KIF6: variants seen among roughly 807,000 people sequenced by gnomAD.
KIF6 encodes kinesin-like protein KIF6.
In KIF6, 106 loss-of-function variants were observed where a neutral mutation model predicts 112.7. The ratio of observed to expected loss-of-function variants is 0.94; its 90% CI spans 0.80 to 1.11. The LOEUF (loss-of-function observed/expected upper bound fraction) is 1.11, where lower values mean the gene tolerates loss of function less well. KIF6 is among the 50% of genes least tolerant of loss of function. The pLI is 0.00. For missense variants in KIF6, 929 were observed against 964.0 expected (o/e 0.96, Z 0.48); for synonymous variants, 339 against 339.9 (o/e 1.00, Z 0.03).
At chr6:39,507,158 C>T (rs1376977996) in intron 13 of KIF6, among the ~76,000 whole-genome samples, 1 of 152,124 alleles carries the variant, frequency 6.6e-6, no homozygotes, top group East Asian at 1.9e-4. Context: ...GGACTTGTGA[C>T]TGGCATCAGA....
chr6:39,360,180 C>T (rs1345261920), intron 18 of KIF6, among the ~76,000 whole-genome samples: 1 of 152,178 alleles, frequency 6.6e-6, no homozygotes, highest in Non-Finnish European at 1.5e-5. Flanking sequence ...CCTAATTTTT[C>T]CATTAATCAG....
intron 10 of KIF6, among the ~76,000 whole-genome samples, chr6:39,567,774 A>AT (rs1417175823): frequency 6.6e-6 from 1 of 151,928 alleles, no homozygotes; most frequent in African/African-American, 2.4e-5. Context: ...CGCCTGGCTA[A>AT]TTTTTTGTAT....
At chr6:39,410,104 C>A (rs1581789403) in intron 15 of KIF6, among the ~76,000 whole-genome samples, 2 of 152,320 alleles carry the variant, frequency 1.3e-5, no homozygotes, top group South Asian at 4.1e-4. Context: ...CTGGAGGGAC[C>A]ACACGCTTAC....
At chr6:39,711,736 A>G (rs879917037) in intron 3 of KIF6, among the ~76,000 whole-genome samples, 2 of 152,218 alleles carry the variant, frequency 1.3e-5, no homozygotes, top group Non-Finnish European at 2.9e-5. Flanking sequence ...ACAGTGATAG[A>G]CAAAGAAATA....
At chr6:39,616,301 T>C (rs1176537109) in intron 5 of KIF6, among the ~76,000 whole-genome samples, 1 of 152,210 alleles carries the variant, frequency 6.6e-6, no homozygotes, top group African/African-American at 2.4e-5. Flanking sequence ...CTTGTCCAGC[T>C]TTGTCACAAA....
In KIF6 at chr6:39,693,714, A is replaced by C. The variant is rs540045754; in HGVS notation, c.251+20978T>G. ...ACCAAAAGAGTCCTGAGCCAGAAGG[A>C]TTTATAGCAGAATTCTACCAGATGT... On this transcript the variant is annotated intron_variant, in intron 3 of 22. Coordinates refer to ENST00000287152, the MANE Select transcript of KIF6 (RefSeq NM_145027.6). Among the ~76,000 whole-genome samples, 3 of 152,228 alleles carry C rather than the reference A, an allele frequency of 2.0e-5. No homozygotes were observed. The South Asian group carries it at 6.2e-4, about 32-fold the overall frequency.
intron 15 of KIF6, among the ~76,000 whole-genome samples, chr6:39,415,963 T>A (rs75385098): frequency 0.027 from 4,108 of 152,344 alleles, 182 homozygotes; most frequent in African/African-American, 0.092. Context: ...CAGCTTCTTC[T>A]ATTACATTCC....
At chr6:39,514,082 C>T (rs1382869610) in intron 13 of KIF6, among the ~76,000 whole-genome samples, 1 of 152,050 alleles carries the variant, frequency 6.6e-6, no homozygotes, top group Admixed American at 6.6e-5. Context: ...TGATTGATTT[C>T]TTTTTTCACT....
chr6:39,600,199 G>A (rs1281118838), intron 6 of KIF6, among the ~76,000 whole-genome samples: 1 of 152,116 alleles, frequency 6.6e-6, no homozygotes, highest in Non-Finnish European at 1.5e-5. Context: ...AGAACAGATG[G>A]CACCATTTAG....
intron 13 of KIF6, among the ~76,000 whole-genome samples, chr6:39,533,370 G>A (rs1165186413): frequency 1.3e-5 from 2 of 152,254 alleles, no homozygotes; most frequent in African/African-American, 2.4e-5. Flanking sequence ...TCCTGCACAT[G>A]GCTTGGAGGG....
intron 3 of KIF6, among the ~76,000 whole-genome samples, chr6:39,703,288 C>T (rs1229288841): frequency 1.3e-5 from 2 of 151,870 alleles, no homozygotes; most frequent in East Asian, 3.9e-4. Flanking sequence ...CACATAAATG[C>T]TGGGTGTGAT....
At chr6:39,459,981 C>A (rs1773357765) in intron 13 of KIF6, among the ~76,000 whole-genome samples, 1 of 131,890 alleles carries the variant, frequency 7.6e-6, no homozygotes, top group Non-Finnish European at 1.6e-5. Context: ...CCTCAGGGAT[C>A]TAGAACTAGA....
intron 3 of KIF6, among the ~76,000 whole-genome samples, chr6:39,642,052 C>A (rs758126307): frequency 1.3e-4 from 20 of 152,116 alleles, no homozygotes; most frequent in Non-Finnish European, 2.5e-4. Flanking sequence ...GTAGAGCCTC[C>A]ATTCCAACTC....
intron 6 of KIF6, among the ~76,000 whole-genome samples, chr6:39,608,043 C>T (rs1025882926): frequency 1.3e-5 from 2 of 152,130 alleles, no homozygotes; most frequent in African/African-American, 4.8e-5. Context: ...TTAGACAACA[C>T]GTCCAAGAAC....
At chr6:39,478,070 T>TG (rs1448330256) in intron 13 of KIF6, among the ~76,000 whole-genome samples, 1 of 152,192 alleles carries the variant, frequency 6.6e-6, no homozygotes, top group Non-Finnish European at 1.5e-5. Context: ...CATAGGTTTT[T>TG]GGGGAACAGG....
intron 6 of KIF6, among the ~76,000 whole-genome samples, chr6:39,601,225 C>T (rs1782552974): frequency 6.6e-6 from 1 of 152,086 alleles, no homozygotes; most frequent in Non-Finnish European, 1.5e-5. Context: ...GGATATCCAA[C>T]CCATCCTACT....
At chr6:39,676,559 T>A (rs895188743) in intron 3 of KIF6, among the ~76,000 whole-genome samples, 1 of 152,048 alleles carries the variant, frequency 6.6e-6, no homozygotes, top group East Asian at 1.9e-4. Context: ...ACAGATTTTT[T>A]AAATAAAATA....
At chr6:39,641,409 C>T (rs184756180) in intron 3 of KIF6, among the ~76,000 whole-genome samples, 2 of 152,078 alleles carry the variant, frequency 1.3e-5, no homozygotes, top group Middle Eastern at 3.4e-3. Flanking sequence ...AAACTAAACA[C>T]CACATGTCCT....
chr6:39,481,622 C>A (rs1774803849), intron 13 of KIF6, among the ~76,000 whole-genome samples: 1 of 152,160 alleles, frequency 6.6e-6, no homozygotes, highest in Non-Finnish European at 1.5e-5. Context: ...ATGGTCTCTG[C>A]ACCAAATTCA....
Sources: gnomAD v4.1 joint callset for allele counts (sites outside exome capture counted in the v4.1 genomes callset) on GRCh38, gnomAD v4.1.1 for gene constraint, MANE v1.5 for transcripts, NCBI Gene and HGNC (gene_info 2026-07-23, HGNC 2026-07-21) for gene names.